Variants in ZNF519 observed in about 807,000 individuals in gnomAD.
ZNF519 encodes the protein similar to Zinc finger protein 85 (Zinc finger protein HPF4) (HTF1).
ZNF519 carries 7 observed loss-of-function variants against 7.4 expected under a neutral mutation model. The observed-to-expected ratio is 0.94, with a 90% CI of 0.54 to 1.77. The LOEUF is 1.77. ZNF519 is among the 40% of genes most tolerant of loss of function. The probability of loss-of-function intolerance (pLI) is 0.00; values close to 1 mark genes in which losing one functional copy is unlikely to be tolerated. For missense variants in ZNF519, 586 were observed against 623.1 expected (o/e 0.94, Z 0.63); for synonymous variants, 179 against 203.3 (o/e 0.88, Z 1.02).
At position 14,102,307 on chromosome 18, in the gene ZNF519, A is replaced by T. The variant is rs764535321; in HGVS notation, c.*2610T>A. On this transcript the variant is annotated 3_prime_UTR_variant, in exon 3 of 3. Coordinates refer to ENST00000590202, the MANE Select transcript of ZNF519 (RefSeq NM_145287.4). ...CTCAGCCTCCCAAGTAGCTGGGATT[A>T]CAGGAGCCCACCACCACACCCAGCT... 2.6e-5 allele frequency: 4 copies of T among 152,292 alleles called. No homozygotes were observed. The South Asian group carries it at 8.3e-4, about 32-fold the overall frequency. 9.4% of individuals were successfully genotyped at this position (152,292 alleles called of 1,614,324 possible). A position where few individuals can be genotyped will look rare whatever the true frequency, so the allele number is the denominator to read the frequency against.
chr18:14,132,316 A>G lies in ZNF519; in HGVS notation c.-39T>C, dbSNP rs2046335129. ...GGGTGTCCTGGAGTCTTAGCTATAAATCATTCAATGCCAGCAGGTCACAGA... is the reference window on the plus strand; with the variant it reads ...GGGTGTCCTGGAGTCTTAGCTATAAGTCATTCAATGCCAGCAGGTCACAGA... On this transcript the variant is annotated 5_prime_UTR_variant, in exon 1 of 3. Coordinates refer to ENST00000590202, the MANE Select transcript of ZNF519 (RefSeq NM_145287.4). 6.2e-7 allele frequency: 1 copy of G among 1,612,350 alleles called. No homozygotes were observed. Among genetic ancestry groups the G allele is most frequent in the African/African-American group, 1.3e-5 (1 of 74,802 alleles).
At chr18:14,128,283 ACT>A (rs1462805147) in intron 1 of ZNF519, among the ~76,000 whole-genome samples, 1 of 143,092 alleles carries the variant, frequency 7.0e-6, no homozygotes, top group Non-Finnish European at 1.5e-5. Flanking sequence ...ACAGAGCGAG[ACT>A]CTCTCTCAAA....
At chr18:14,094,508 T>C (rs8084494) in intron 2 of ZNF519, among the ~76,000 whole-genome samples, 76,424 of 152,016 alleles carry the variant, frequency 0.5, 19,552 homozygotes, top group Non-Finnish European at 0.52. Flanking sequence ...ATTTTACAGA[T>C]TGCTTTTTCT....
In ZNF519 at chr18:14,093,992, C is replaced by T. The variant is rs184840701; in HGVS notation, c.131-8916G>A. 4.6e-5 allele frequency among the ~76,000 whole-genome samples: 7 copies of T among 152,332 alleles called. No homozygotes were observed. The East Asian group carries it at 1.3e-3, about 29-fold the overall frequency. ...TCTCCTACTTATTTTAAAGATATTACTAGACATTTCCTTGAAGTTTTCCTA... is the reference window on the plus strand; with the variant it reads ...TCTCCTACTTATTTTAAAGATATTATTAGACATTTCCTTGAAGTTTTCCTA... On this transcript the variant is annotated intron_variant and NMD_transcript_variant, in intron 2 of 4. Transcript: ENST00000587419.
intron 1 of ZNF519, among the ~76,000 whole-genome samples, chr18:14,128,264 G>A (rs1160995067): frequency 6.7e-6 from 1 of 150,204 alleles, no homozygotes. Context: ...CTGCACTCCA[G>A]CCTGGGCGAC....
intron 2 of ZNF519, among the ~76,000 whole-genome samples, chr18:14,089,511 A>C (rs532132381): frequency 6.6e-6 from 1 of 151,978 alleles, no homozygotes; most frequent in East Asian, 1.9e-4. Context: ...AGAGGTAGAC[A>C]TCAAACTGTA....
chr18:14,125,847 G>C (rs1471854864), intron 1 of ZNF519, among the ~76,000 whole-genome samples: 1 of 152,106 alleles, frequency 6.6e-6, no homozygotes, highest in Non-Finnish European at 1.5e-5. Context: ...ACCGCACCCA[G>C]CTAATTTTTA....
chr18:14,109,147 T>C (rs1598517404), intron 2 of ZNF519, among the ~76,000 whole-genome samples: 1 of 150,784 alleles, frequency 6.6e-6, no homozygotes, highest in African/African-American at 2.4e-5. Context: ...AATAATGAGG[T>C]TAATTCATCA....
At chr18:14,097,401 G>A (rs1455124789), downstream of ZNF519, among the ~76,000 whole-genome samples, 1 of 152,184 alleles carries the variant, frequency 6.6e-6, no homozygotes, top group East Asian at 1.9e-4. Flanking sequence ...TAAATGGAGT[G>A]TAGTATGTGT....
Position 14,104,702 on chromosome 18 carries a change from G to A in ZNF519, c.*215C>T, listed in dbSNP as rs2046178713. On this transcript the variant is annotated 3_prime_UTR_variant, in exon 3 of 3. Transcript: ENST00000590202. Reference sequence around the variant, plus strand: ...TTATCTAATTGAGTTTGAATTATTTGTTATAATAAACACACTGATTCAGAG... The same window carrying A: ...TTATCTAATTGAGTTTGAATTATTTATTATAATAAACACACTGATTCAGAG... The A allele has an allele frequency of 2.4e-6, 1 of 423,214 alleles. No individual in the cohort carries two copies. 26.2% of individuals were successfully genotyped at this position (423,214 alleles called of 1,614,324 possible). A position where few individuals can be genotyped will look rare whatever the true frequency, so the allele number is the denominator to read the frequency against.
downstream of ZNF519, chr18:14,073,048 T>C (rs2046033869): frequency 6.6e-6 from 1 of 152,138 alleles, no homozygotes; most frequent in Non-Finnish European, 1.5e-5. Flanking sequence ...AAATCCATAT[T>C]TGGAGGAAAA....
rs766998452 is a variant in ZNF519, at chr18:14,106,279, A to G, written c.261T>C (p.Ser87=). Residue 87 remains serine (S), a synonymous_variant, in exon 3 of 3, where the codon AGT becomes AGC. Transcript: ENST00000590202. The part of the protein sequence containing the change: ...ENICLWKNWE[S]IGEGEGQKEC... ...CCTTTTGTCCTTCACCTTCACCTATACTTTCCCAGTTTTTCCATAAGCATA... is the reference window on the plus strand; with the variant it reads ...CCTTTTGTCCTTCACCTTCACCTATGCTTTCCCAGTTTTTCCATAAGCATA... The G allele has an allele frequency of 9.3e-6, 15 of 1,612,284 alleles. No individual in the cohort carries two copies. Among genetic ancestry groups the G allele is most frequent in the Non-Finnish European group, 1.3e-5 (15 of 1,179,716 alleles).
At chr18:14,125,072 T>C (rs1052196447) in intron 1 of ZNF519, among the ~76,000 whole-genome samples, 8 of 152,208 alleles carry the variant, frequency 5.3e-5, no homozygotes, top group African/African-American at 1.9e-4. Context: ...ACAAGTCTCC[T>C]GTTAATGCTG....
chr18:14,098,122 T>A (rs1049826789), downstream of ZNF519, among the ~76,000 whole-genome samples: 1 of 151,362 alleles, frequency 6.6e-6, no homozygotes, highest in African/African-American at 2.4e-5. Flanking sequence ...CCTTTCACTG[T>A]CCCTGTTGAA....
intron 2 of ZNF519, among the ~76,000 whole-genome samples, chr18:14,118,004 C>T (rs1325515607): frequency 2.6e-5 from 4 of 152,062 alleles, no homozygotes; most frequent in African/African-American, 4.8e-5. Flanking sequence ...AGTGAAAAAA[C>T]GCAAATGTTC....
chr18:14,073,441 T>C (rs1478355839), downstream of ZNF519: 1 of 152,104 alleles, frequency 6.6e-6, no homozygotes, highest in African/African-American at 2.4e-5. Context: ...CAGCTAATGT[T>C]TGCATTTTTA....
At chr18:14,098,087 T>C (rs1336216410), downstream of ZNF519, among the ~76,000 whole-genome samples, 1 of 151,740 alleles carries the variant, frequency 6.6e-6, no homozygotes, top group Non-Finnish European at 1.5e-5. Context: ...ACCCCTATGG[T>C]CTCCACACTG....
chr18:14,090,666 G>C (rs980260251), intron 2 of ZNF519: 1 of 152,256 alleles, frequency 6.6e-6, no homozygotes, highest in Admixed American at 6.5e-5. Context: ...GGGTCCAGGG[G>C]AGCCCCTTCC....
At position 14,101,394 on chromosome 18, in the gene ZNF519, C is replaced by T. The variant is rs1057080931; in HGVS notation, c.*3523G>A. On this transcript the variant is annotated 3_prime_UTR_variant, in exon 3 of 3. Transcript: ENST00000590202. Reference sequence around the variant, plus strand: ...ATGAGCCCTAGCAAATGCAAAAACACTCATGGTCATAACATGAAGTGAAAG... The same window carrying T: ...ATGAGCCCTAGCAAATGCAAAAACATTCATGGTCATAACATGAAGTGAAAG... 3.4e-6 allele frequency: 1 copy of T among 291,508 alleles called. No individual in the cohort carries two copies. The highest frequency in any genetic ancestry group is 6.3e-6 in the Non-Finnish European group (1 of 159,056). 18.1% of individuals were successfully genotyped at this position (291,508 alleles called of 1,614,324 possible).
Sources: gnomAD v4.1 joint callset for allele counts (sites outside exome capture counted in the v4.1 genomes callset) on GRCh38, gnomAD v4.1.1 for gene constraint, MANE v1.5 for transcripts, NCBI Gene and HGNC (gene_info 2026-07-23, HGNC 2026-07-21) for gene names.